TRAPPC9: variants seen among roughly 807,000 people sequenced by gnomAD.
The protein encoded by TRAPPC9 is IKK2 binding protein.
A neutral mutation model predicts 124.0 loss-of-function variants in TRAPPC9; 83 were observed. That is an observed-to-expected ratio of 0.67 (90% CI 0.56 to 0.80). The LOEUF is 0.80. Ranked by LOEUF, TRAPPC9 falls within the 30% of genes least tolerant of loss-of-function variation. TRAPPC9 has a pLI of 0.00. For synonymous variants in TRAPPC9, 638 were observed against 617.5 expected, an observed-to-expected ratio of 1.03 and a Z score of -0.49; for missense variants, 1,302 against 1,508.3, an observed-to-expected ratio of 0.86 and a Z score of 2.27.
At chr8:139,746,094 A>G (rs1818864205) in intron 21 of TRAPPC9, among the ~76,000 whole-genome samples, 1 of 152,226 alleles carries the variant, frequency 6.6e-6, no homozygotes, top group Admixed American at 6.5e-5. Flanking sequence ...TGCCATCCAC[A>G]GTGCCCCTTG....
In TRAPPC9 at chr8:140,385,209, A is replaced by AGAAAGCAG. The variant is rs1212756211; in HGVS notation, c.1134+12403_1134+12410dup. ...ATTTATAGCACTAAATGTCCACAAG[A>AGAAAGCAG]GAAAGCAGGAAAGATCTAAAATTGA... On this transcript the variant is annotated intron_variant, in intron 7 of 22. Transcript: ENST00000438773. Among the ~76,000 whole-genome samples, 115 of 152,370 alleles carry AGAAAGCAG rather than the reference A, an allele frequency of 7.5e-4. 1 individual carries two copies. The highest frequency in any genetic ancestry group is 2.7e-3 in the African/African-American group (112 of 41,586).
intron 18 of TRAPPC9, among the ~76,000 whole-genome samples, chr8:139,990,372 A>C (rs1837550358): frequency 6.6e-6 from 1 of 152,274 alleles, no homozygotes; most frequent in Admixed American, 6.5e-5. Flanking sequence ...TTCCAAAGCC[A>C]CACATGTCCG....
intron 19 of TRAPPC9, among the ~76,000 whole-genome samples, chr8:139,972,212 A>G (rs1258215135): frequency 6.6e-6 from 1 of 152,158 alleles, no homozygotes; most frequent in Non-Finnish European, 1.5e-5. Flanking sequence ...CCAAAGCTTC[A>G]GGGAGAATTG....
Position 140,288,980 on chromosome 8 carries a change from A to T in TRAPPC9, c.1855-1246T>A, listed in dbSNP as rs1236027841. On this transcript the variant is annotated intron_variant, in intron 12 of 22. Transcript: ENST00000438773. ...ACTGAGCATCTAAGTAGATGTGCTG[A>T]TGTTGGGAGCCCGAGTTCTCACGCG... is the stretch of plus-strand genomic sequence containing the variant. Among the ~76,000 whole-genome samples, 5 of 152,296 alleles carry T rather than the reference A, an allele frequency of 3.3e-5. 1 individual carries two copies. In the Middle Eastern group the frequency reaches 0.017, roughly 518 times the overall value.
intron 17 of TRAPPC9, among the ~76,000 whole-genome samples, chr8:140,053,687 G>T (rs1035024958): frequency 3.3e-5 from 5 of 152,180 alleles, no homozygotes; most frequent in Non-Finnish European, 5.9e-5. Context: ...CTGTGTTGCT[G>T]TCTTTTTCTC....
intron 13 of TRAPPC9, among the ~76,000 whole-genome samples, chr8:140,285,248 C>T (rs1269557989): frequency 1.3e-5 from 2 of 152,218 alleles, no homozygotes; most frequent in African/African-American, 2.4e-5. Context: ...ACACTAGTTA[C>T]GGTTATGTGC....
intron 17 of TRAPPC9, among the ~76,000 whole-genome samples, chr8:140,212,685 A>T (rs968171198): frequency 6.6e-5 from 10 of 152,124 alleles, no homozygotes; most frequent in Non-Finnish European, 1.2e-4. Flanking sequence ...CATAGATTTC[A>T]TATTATTTCT....
chr8:139,882,654 G>T (rs9644518), intron 21 of TRAPPC9, among the ~76,000 whole-genome samples: 116,829 of 152,068 alleles, frequency 0.77, 45,101 homozygotes, highest in East Asian at 0.99. Flanking sequence ...GTCAGCACAG[G>T]GGGTAGGAGG....
intron 17 of TRAPPC9, among the ~76,000 whole-genome samples, chr8:140,046,947 G>T (rs1841636893): frequency 6.6e-6 from 1 of 152,212 alleles, no homozygotes; most frequent in South Asian, 2.1e-4. Context: ...CCTGTTCTGA[G>T]AAATAGAAAC....
intron 2 of TRAPPC9, among the ~76,000 whole-genome samples, chr8:140,447,453 C>A (rs1320319962): frequency 1.3e-5 from 2 of 151,860 alleles, no homozygotes; most frequent in African/African-American, 2.4e-5. Context: ...CCCAATAACA[C>A]ACTCACAGGG....
At chr8:139,781,910 AAAAC>A (rs1480288986) in intron 21 of TRAPPC9, among the ~76,000 whole-genome samples, 1 of 152,226 alleles carries the variant, frequency 6.6e-6, no homozygotes, top group African/African-American at 2.4e-5. Context: ...GGGAAGGCAG[AAAAC>A]AAACAGAAGA....
chr8:140,151,538 C>T (rs150214258), intron 17 of TRAPPC9, among the ~76,000 whole-genome samples: 9 of 152,256 alleles, frequency 5.9e-5, no homozygotes, highest in Admixed American at 1.3e-4. Flanking sequence ...CCTCCCTGTA[C>T]GTGAGCCTGC....
rs1842744708 is a variant in TRAPPC9 at position 140,063,485 on chromosome 8, A to T, written c.2557-39406T>A. 6.6e-6 allele frequency among the ~76,000 whole-genome samples: 1 copy of T among 152,156 alleles called. No individual in the cohort carries two copies. Among genetic ancestry groups the T allele is most frequent in the African/African-American group, 2.4e-5 (1 of 41,416 alleles). ...AGCATGTGGCATTCCAGGGCTCTAAACACATCAGACTGTGCCTTATCCAAG... is the reference window on the plus strand; with the variant it reads ...AGCATGTGGCATTCCAGGGCTCTAATCACATCAGACTGTGCCTTATCCAAG... On this transcript the variant is annotated intron_variant, in intron 17 of 22. Transcript: ENST00000438773. This position sits in a 1 kb window ranked among gnomAD's most constrained non-coding sequence, Gnocchi z 4.3.
At chr8:140,343,723 G>A (rs529194961) in intron 9 of TRAPPC9, among the ~76,000 whole-genome samples, 54 of 152,250 alleles carry the variant, frequency 3.5e-4, no homozygotes, top group African/African-American at 1.2e-3. Flanking sequence ...TGGCCTCCCC[G>A]GGGTCCCTGC....
At chr8:140,226,809 T>C (rs1169864533) in intron 16 of TRAPPC9, among the ~76,000 whole-genome samples, 2 of 151,354 alleles carry the variant, frequency 1.3e-5, no homozygotes, top group East Asian at 1.9e-4. Context: ...AAATCAGCAA[T>C]GTTTTAGAAC....
At chr8:139,809,915 A>C (rs1386125929) in intron 21 of TRAPPC9, among the ~76,000 whole-genome samples, 1 of 151,840 alleles carries the variant, frequency 6.6e-6, no homozygotes, top group Non-Finnish European at 1.5e-5. Flanking sequence ...GCCACCCCAG[A>C]CCCTCTTCCC....
intron 19 of TRAPPC9, among the ~76,000 whole-genome samples, chr8:139,949,467 G>A (rs986673244): frequency 1.3e-5 from 2 of 152,118 alleles, no homozygotes; most frequent in Admixed American, 6.5e-5. Context: ...AGCGTCATTC[G>A]TGACAGACAA....
intron 6 of TRAPPC9, among the ~76,000 whole-genome samples, chr8:140,399,717 TTGAAG>T (rs2069204440): frequency 6.6e-6 from 1 of 152,228 alleles, no homozygotes. Context: ...AGATGAGACT[TTGAAG>T]TGTGGACTTC....
At chr8:139,934,304 GAAGAT>G (rs1283881819) in intron 19 of TRAPPC9, among the ~76,000 whole-genome samples, 2 of 151,314 alleles carry the variant, frequency 1.3e-5, no homozygotes, top group African/African-American at 4.8e-5. Context: ...GAGAGAGAGA[GAAGAT>G]GAGAGTAGCT....
Sources: gnomAD v4.1 joint callset for allele counts (sites outside exome capture counted in the v4.1 genomes callset) on GRCh38, gnomAD v4.1.1 for gene constraint, Gnocchi (gnomAD v3.1) non-coding constraint, MANE v1.5 for transcripts, NCBI Gene and HGNC (gene_info 2026-07-23, HGNC 2026-07-21) for gene names.